Variants in SGCG observed in about 807,000 individuals in gnomAD.
SGCG encodes the protein sarcoglycan gamma.
Under a neutral mutation model 29.3 loss-of-function variants are expected in SGCG, and 26 were observed. The observed-to-expected ratio is 0.89, with a 90% confidence interval of 0.65 to 1.23. The LOEUF (loss-of-function observed/expected upper bound fraction) is 1.23. SGCG is among the 50% of genes most tolerant of loss of function. The pLI, the probability that SGCG is intolerant of heterozygous loss-of-function variation, is 0.00. For synonymous variants in SGCG, 145 were observed against 129.7 expected, an observed-to-expected ratio of 1.12 and a Z score of -0.80; for missense variants, 353 against 356.0, an observed-to-expected ratio of 0.99 and a Z score of 0.07.
rs540895741 is a variant in SGCG at position 23,183,296 on chromosome 13, A to G, written c.-1+2221A>G. Among the ~76,000 whole-genome samples the G allele has an allele frequency of 7.6e-4, 115 of 152,246 alleles. 1 individual carries two copies. The highest frequency in any genetic ancestry group is 2.7e-3 in the African/African-American group (112 of 41,536). ...CAATGCACCCTCTTATCCTGACCCC[A>G]CACTGCGGGGAAGTCAGGAAGACCT... On this transcript the variant is annotated intron_variant, in intron 1 of 7. Transcript: ENST00000218867.
the SGCG span, among the ~76,000 whole-genome samples, chr13:23,169,101 T>A: frequency 2.0e-5 from 3 of 151,654 alleles, no homozygotes; most frequent in African/African-American, 7.3e-5. Context: ...TTCCCACTAG[T>A]CCTCTCTTGC....
rs546370905 is a variant in SGCG at position 23,210,620 on chromosome 13, G to A, written c.195+6731G>A. Among the ~76,000 whole-genome samples, 7 of 152,254 alleles carry A rather than the reference G, an allele frequency of 4.6e-5. No homozygotes were observed. In the East Asian group the frequency reaches 1.4e-3, roughly 29 times the overall value. On this transcript the variant is annotated intron_variant, in intron 2 of 7. Coordinates refer to ENST00000218867, the MANE Select transcript of SGCG (RefSeq NM_000231.3). ...GCAAGAGAATGCGGTGAACCCGGGA[G>A]GCGGAGCTTGCAGTGAGCCGAGATC...
intron 4 of SGCG, among the ~76,000 whole-genome samples, chr13:23,262,921 G>T (rs983007479): frequency 6.6e-6 from 1 of 151,958 alleles, no homozygotes; most frequent in African/African-American, 2.4e-5. Flanking sequence ...GGTTAACAAT[G>T]ACATTAAAAT....
chr13:23,278,009 T>G (rs956450038), intron 4 of SGCG, among the ~76,000 whole-genome samples: 1 of 152,056 alleles, frequency 6.6e-6, no homozygotes, highest in Non-Finnish European at 1.5e-5. Flanking sequence ...AATTTTTGTA[T>G]TTTTAGTAGA....
chr13:23,234,143 G>A (rs1403672781), intron 2 of SGCG, among the ~76,000 whole-genome samples: 1 of 152,128 alleles, frequency 6.6e-6, no homozygotes, highest in Non-Finnish European at 1.5e-5. Context: ...CTTAAGAAGT[G>A]TTCAATAAAT....
intron 3 of SGCG, among the ~76,000 whole-genome samples, chr13:23,235,205 C>T (rs911639478): frequency 2.0e-5 from 3 of 151,888 alleles, no homozygotes; most frequent in African/African-American, 7.3e-5. Flanking sequence ...ACTAAAAATA[C>T]AAAATTAGCC....
chr13:23,325,025 G>A lies in SGCG; in HGVS notation c.*484G>A. 6.2e-6 allele frequency: 1 copy of A among 161,616 alleles called. No individual in the cohort carries two copies. Among genetic ancestry groups the A allele is most frequent in the Admixed American group, 5.9e-5 (1 of 16,920 alleles). 10.0% of individuals were successfully genotyped at this position (161,616 alleles called of 1,614,324 possible). A position where few individuals can be genotyped will look rare whatever the true frequency, so the allele number is the denominator to read the frequency against. On this transcript the variant is annotated 3_prime_UTR_variant, in exon 8 of 8. Coordinates refer to ENST00000218867, the MANE Select transcript of SGCG (RefSeq NM_000231.3). ...CCTTCAGTTTAATGCAAGTAAGTCA[G>A]GTTTCACAAGAAAATTTTCAAGTTT...
intron 4 of SGCG, among the ~76,000 whole-genome samples, chr13:23,262,514 T>C (rs1250312221): frequency 6.6e-6 from 1 of 151,874 alleles, no homozygotes; most frequent in African/African-American, 2.4e-5. Context: ...AATAAAAAAT[T>C]ACTACTATAC....
At chr13:23,250,314 T>C (rs1029891828) in intron 3 of SGCG, among the ~76,000 whole-genome samples, 3 of 152,190 alleles carry the variant, frequency 2.0e-5, no homozygotes, top group Admixed American at 6.5e-5. Context: ...TAGGTGTCTT[T>C]CCTTGACATA....
chr13:23,280,886 A>T (rs1191131579), intron 5 of SGCG, among the ~76,000 whole-genome samples: 1 of 151,796 alleles, frequency 6.6e-6, no homozygotes, highest in East Asian at 1.9e-4. Flanking sequence ...AAGCCCTCCT[A>T]CTCAGAGAAT....
At chr13:23,242,409 C>G (rs1232395281) in intron 3 of SGCG, among the ~76,000 whole-genome samples, 1 of 152,038 alleles carries the variant, frequency 6.6e-6, no homozygotes, top group Non-Finnish European at 1.5e-5. Flanking sequence ...TACCAATTAC[C>G]CCTTACATTA....
intron 6 of SGCG, among the ~76,000 whole-genome samples, chr13:23,314,633 GA>G (rs1045291523): frequency 6.9e-4 from 105 of 151,888 alleles, no homozygotes; most frequent in African/African-American, 2.4e-3. Flanking sequence ...ACATTATGCT[GA>G]TTGGATCCAG....
intron 1 of SGCG, among the ~76,000 whole-genome samples, chr13:23,186,555 A>G (rs1389962633): frequency 1.3e-5 from 2 of 152,082 alleles, no homozygotes; most frequent in African/African-American, 2.4e-5. Flanking sequence ...TACGCTCACC[A>G]TTGGTTTCCA....
At chr13:23,236,921 G>A (rs954459483) in intron 3 of SGCG, among the ~76,000 whole-genome samples, 2 of 152,078 alleles carry the variant, frequency 1.3e-5, no homozygotes, top group Admixed American at 1.3e-4. Context: ...TTTCCAATAA[G>A]AGCCATCCCA....
rs140310896 is a variant in SGCG, at chr13:23,203,701, C to A, written c.7C>A (p.Arg3Ser). 1 of 1,611,366 alleles carries A rather than the reference C, an allele frequency of 6.2e-7. No individual in the cohort carries two copies. The highest frequency in any genetic ancestry group is 8.5e-7 in the Non-Finnish European group (1 of 1,178,160). The change falls in exon 2 of 8, where the codon CGT (arginine) becomes AGT (serine). Residue 3 changes from arginine (R) to serine (S), a missense_variant. Coordinates refer to ENST00000218867, the MANE Select transcript of SGCG (RefSeq NM_000231.3). ...TGAACACACTCCGTGGCAGATGGTG[C>A]GTGAGCAGTACACTACAGCCACAGA... MV[R>S]EQYTTATEGI... is the part of the protein sequence containing the mutation.
intron 5 of SGCG, among the ~76,000 whole-genome samples, chr13:23,285,520 G>A (rs1191547433): frequency 6.6e-6 from 1 of 152,200 alleles, no homozygotes; most frequent in Admixed American, 6.5e-5. Context: ...AGAATTTCAA[G>A]CCAATGGATC....
chr13:23,163,171 T>C, the SGCG span, among the ~76,000 whole-genome samples: 1 of 152,182 alleles, frequency 6.6e-6, no homozygotes, highest in African/African-American at 2.4e-5. Context: ...CAGGGATCCC[T>C]GGTTAAAGTA....
chr13:23,270,199 C>A (rs1289960987), intron 4 of SGCG, among the ~76,000 whole-genome samples: 1 of 152,122 alleles, frequency 6.6e-6, no homozygotes, highest in African/African-American at 2.4e-5. Flanking sequence ...GAGGTATATC[C>A]TCAGGGTAGA....
the SGCG span, among the ~76,000 whole-genome samples, chr13:23,171,899 G>T: frequency 1.3e-5 from 2 of 152,204 alleles, no homozygotes; most frequent in Admixed American, 1.3e-4. Context: ...TGGCCTGGGG[G>T]TTGGGAACCT....
Sources: gnomAD v4.1 joint callset for allele counts (sites outside exome capture counted in the v4.1 genomes callset) on GRCh38, gnomAD v4.1.1 for gene constraint, MANE v1.5 for transcripts, NCBI Gene and HGNC (gene_info 2026-07-23, HGNC 2026-07-21) for gene names.